MMS22L: variants seen among roughly 807,000 people sequenced by gnomAD.
MMS22L encodes protein MMS22-like.
MMS22L carries 74 observed loss-of-function variants against 159.1 expected under a neutral mutation model. The observed-to-expected ratio is 0.47, with a 90% CI of 0.39 to 0.56. The LOEUF is 0.56. Ranked by LOEUF, MMS22L falls within the 20% of genes least tolerant of loss-of-function variation. The pLI is 0.00. For synonymous variants in MMS22L, 517 were observed against 506.9 expected (o/e 1.02, Z -0.27); for missense variants, 1,351 against 1,422.1 (o/e 0.95, Z 0.80).
intron 22 of MMS22L, among the ~76,000 whole-genome samples, chr6:97,160,580 T>C (rs188761093): frequency 6.6e-6 from 1 of 152,190 alleles, no homozygotes. Flanking sequence ...TGTATCTGTT[T>C]GTGGATCTTT....
rs1320284172 is a variant in MMS22L at position 97,282,482 on chromosome 6, T to A, written c.-5A>T. On this transcript the variant is annotated 5_prime_UTR_variant, in exon 2 of 25. An upstream open reading frame in the 5' UTR loses its in-frame stop. Coordinates refer to ENST00000683635, the MANE Select transcript of MMS22L (RefSeq NM_001350599.2). ...TGCAGCAGAACAGTTCTCCATTGTTTACTTCATGTTCTGAAACACTTGGGG... is the reference window on the plus strand; with the variant it reads ...TGCAGCAGAACAGTTCTCCATTGTTAACTTCATGTTCTGAAACACTTGGGG... 2 of 1,603,806 alleles carry A rather than the reference T, an allele frequency of 1.2e-6. No homozygotes were observed. The highest frequency in any genetic ancestry group is 1.7e-5 in the Admixed American group (1 of 58,868).
chr6:97,273,060 T>A lies in MMS22L; in HGVS notation c.343A>T (p.Lys115Ter). The A allele has an allele frequency of 6.2e-7, 1 of 1,601,034 alleles. No individual in the cohort carries two copies. The highest frequency in any genetic ancestry group is 1.1e-5 in the South Asian group (1 of 88,318). Residue 115 changes from lysine (K) to a stop codon, truncating the protein, a stop_gained and splice_region_variant, in exon 5 of 25, where the codon AAG (lysine) becomes TAG (stop). Coordinates refer to ENST00000683635, the MANE Select transcript of MMS22L (RefSeq NM_001350599.2). LOFTEE classifies it high-confidence loss of function. ...GCTTTGCAGTGTAGAGTTGATACCT[T>A]CCCTGAAACCAAAATAGACAATGTT... is the stretch of plus-strand genomic sequence containing the variant. ...TLLQSSCDFG[K>*]VSTLHCKADN...
chr6:97,236,555 G>A (rs984070618), intron 11 of MMS22L, among the ~76,000 whole-genome samples: 10 of 152,076 alleles, frequency 6.6e-5, no homozygotes, highest in Non-Finnish European at 2.9e-5. Context: ...CAAGTTAAGG[G>A]CTATGGAATT....
intron 7 of MMS22L, 62 bp from the exon 8 acceptor site, chr6:97,268,064 G>T (rs1815326797): frequency 8.7e-7 from 1 of 1,147,460 alleles, no homozygotes. Flanking sequence ...AGGAAAAAGT[G>T]ACTGTACATC....
intron 14 of MMS22L, among the ~76,000 whole-genome samples, chr6:97,228,608 C>A (rs530492127): frequency 6.6e-6 from 1 of 152,074 alleles, no homozygotes; most frequent in Non-Finnish European, 1.5e-5. Context: ...AGACTTGGGT[C>A]CCCTCCTCAA....
chr6:97,160,386 G>A (rs1373297438), intron 22 of MMS22L, among the ~76,000 whole-genome samples: 1 of 151,978 alleles, frequency 6.6e-6, no homozygotes, highest in Non-Finnish European at 1.5e-5. Flanking sequence ...ATTCTTGGTT[G>A]ACAGGTCCCC....
At position 97,229,178 on chromosome 6, in the gene MMS22L, A is replaced by ATGT. The variant is rs767342695; in HGVS notation, c.1754_1755insACA (p.Asn585delinsLysHis). On this transcript the variant is annotated protein_altering_variant, in exon 14 of 25. Coordinates refer to ENST00000683635, the MANE Select transcript of MMS22L (RefSeq NM_001350599.2). ...TCTCAGCCAAAACACCAATGTCCAG[A>ATGT]TTTTTCTGGGCATACATCAAGAGGA... 6.2e-7 allele frequency: 1 copy of ATGT among 1,614,024 alleles called. No individual in the cohort carries two copies. The highest frequency in any genetic ancestry group is 8.5e-7 in the Non-Finnish European group (1 of 1,179,990).
rs529684639 is a variant in MMS22L, at chr6:97,234,756, G to A, written c.1183-776C>T. On this transcript the variant is annotated intron_variant, in intron 11 of 24. Transcript: ENST00000683635. ...AAACAAAGCAAAGTAATGTGGCAAA[G>A]TAATTGGTAAAGGATAAGCATCATT... is the stretch of plus-strand genomic sequence containing the variant. Among the ~76,000 whole-genome samples the A allele has an allele frequency of 4.6e-5, 7 of 152,304 alleles. No individual in the cohort carries two copies. In the East Asian group the frequency reaches 1.3e-3, roughly 29 times the overall value.
intron 4 of MMS22L, among the ~76,000 whole-genome samples, chr6:97,274,075 A>G (rs992053310): frequency 2.6e-5 from 4 of 152,212 alleles, no homozygotes; most frequent in African/African-American, 4.8e-5. Flanking sequence ...TTATATCAGC[A>G]ATAATTATCT....
rs77046801 is a variant in MMS22L at position 97,204,353 on chromosome 6, G to A, written c.2040-17663C>T. On this transcript the variant is annotated intron_variant, in intron 14 of 24. Transcript: ENST00000683635. The stretch of plus-strand genomic sequence containing the variant: ...TCTTCAGAAAATTTACCATCCTCAT[G>A]GTTAAGATAACATTAACTGGATGTA... Among the ~76,000 whole-genome samples the A allele has an allele frequency of 3.2e-3, 493 of 152,204 alleles. 3 individuals carry two copies. The highest frequency in any genetic ancestry group is 0.011 in the African/African-American group (468 of 41,524).
Position 97,186,613 on chromosome 6 carries a change from T to G in MMS22L, c.2117A>C (p.Lys706Thr). The change falls in exon 15 of 25, where the codon AAA becomes ACA. Residue 706 changes from lysine to threonine, a missense_variant. Coordinates refer to ENST00000683635, the MANE Select transcript of MMS22L (RefSeq NM_001350599.2). ...DLFVQSSLSA[K>T]ERHLAAVASA... is the part of the protein sequence containing the mutation. Reference sequence around the variant, plus strand: ...GGCAACTGCAGCAAGGTGGCGCTCTTTAGCCGATAATGAAGACTGTACAAA... The same window carrying G: ...GGCAACTGCAGCAAGGTGGCGCTCTGTAGCCGATAATGAAGACTGTACAAA... 1 of 1,611,918 alleles carries G rather than the reference T, an allele frequency of 6.2e-7. No homozygotes were observed. Among genetic ancestry groups the G allele is most frequent in the Non-Finnish European group, 8.5e-7 (1 of 1,179,102 alleles).
At chr6:97,240,007 A>G (rs963315557) in intron 11 of MMS22L, among the ~76,000 whole-genome samples, 1 of 152,232 alleles carries the variant, frequency 6.6e-6, no homozygotes. Flanking sequence ...TTGTTTAAAT[A>G]CAGCAAATGG....
intron 15 of MMS22L, among the ~76,000 whole-genome samples, chr6:97,186,267 G>A (rs1805215455): frequency 6.6e-6 from 1 of 152,040 alleles, no homozygotes; most frequent in Admixed American, 6.6e-5. Context: ...AAAAGCTTAT[G>A]TATATTCAAT....
At chr6:97,179,230 A>G (rs1223270129) in intron 17 of MMS22L, among the ~76,000 whole-genome samples, 178 bp downstream of exon 17, 1 of 152,148 alleles carries the variant, frequency 6.6e-6, no homozygotes, top group Non-Finnish European at 1.5e-5. Flanking sequence ...GGAAAATAAA[A>G]ACAAAACAAA....
At chr6:97,254,994 T>C (rs1484567990) in intron 9 of MMS22L, among the ~76,000 whole-genome samples, 1 of 152,100 alleles carries the variant, frequency 6.6e-6, no homozygotes, top group Admixed American at 6.5e-5. Context: ...CTTGCTTTTT[T>C]GTTTCGCCAC....
At chr6:97,200,297 T>C (rs1421257313) in intron 14 of MMS22L, among the ~76,000 whole-genome samples, 4 of 152,114 alleles carry the variant, frequency 2.6e-5, no homozygotes, top group African/African-American at 9.7e-5. Context: ...ACATTCCCTA[T>C]AGAGATGCTA....
At chr6:97,149,819 GCCC>G (rs374480118) in intron 24 of MMS22L, 31 bp downstream of exon 24, 8 of 1,506,124 alleles carry the variant, frequency 5.3e-6, no homozygotes, top group Non-Finnish European at 7.1e-6. Context: ...TATAATCACT[GCCC>G]CCCCCAATGT....
intron 4 of MMS22L, 23 bp from the exon 5 acceptor site, chr6:97,273,085 TA>T: frequency 6.4e-7 from 1 of 1,565,856 alleles, no homozygotes; most frequent in Non-Finnish European, 8.7e-7. Context: ...TAGACAATGT[TA>T]ATCATAGTTC....
chr6:97,214,482 TAGA>T (rs1043332209), intron 14 of MMS22L, among the ~76,000 whole-genome samples: 3 of 152,286 alleles, frequency 2.0e-5, no homozygotes, highest in Admixed American at 6.5e-5. Context: ...TAGTAATGTG[TAGA>T]AGAATACAAC....
Sources: gnomAD v4.1 joint callset for allele counts (sites outside exome capture counted in the v4.1 genomes callset) on GRCh38, gnomAD v4.1.1 for gene constraint, MANE v1.5 for transcripts, NCBI Gene and HGNC (gene_info 2026-07-23, HGNC 2026-07-21) for gene names.